The following NRF1 variants were observed in gnomAD, a reference collection of about 807,000 sequenced individuals.
NRF1 encodes alpha palindromic-binding protein.
In NRF1, 5 loss-of-function variants were observed where a neutral mutation model predicts 58.5. The observed-to-expected ratio is 0.09, with a 90% CI of 0.04 to 0.18. NRF1 has a LOEUF of 0.18. NRF1 is among the 10% of genes least tolerant of loss of function. The probability of loss-of-function intolerance (pLI) is 1.00; values close to 1 mark genes in which losing one functional copy is unlikely to be tolerated. For missense variants in NRF1, 288 were observed against 657.7 expected (o/e 0.44, Z 6.15); for synonymous variants, 224 against 246.7 (o/e 0.91, Z 0.86).
intron 1 of NRF1, among the ~76,000 whole-genome samples, chr7:129,642,025 C>T (rs986617308): frequency 1.3e-5 from 2 of 151,748 alleles, no homozygotes; most frequent in Non-Finnish European, 2.9e-5. Flanking sequence ...GTTGCCTAGG[C>T]TGGAGTGCAG....
chr7:129,663,394 C>T (rs1161694753), intron 2 of NRF1, among the ~76,000 whole-genome samples: 8 of 147,770 alleles, frequency 5.4e-5, no homozygotes, highest in African/African-American at 1.8e-4. Flanking sequence ...CGGACAGAGG[C>T]GCTCCTCACC....
chr7:129,699,122 C>T (rs368650156), intron 5 of NRF1, among the ~76,000 whole-genome samples: 4 of 152,138 alleles, frequency 2.6e-5, no homozygotes, highest in South Asian at 2.1e-4. Context: ...TTAATATTCC[C>T]GTGGCATGAT....
At chr7:129,629,561 C>T (rs1461315408) in intron 1 of NRF1, among the ~76,000 whole-genome samples, 3 of 150,666 alleles carry the variant, frequency 2.0e-5, no homozygotes, top group Non-Finnish European at 4.4e-5. Context: ...AGGTGTGAGC[C>T]ACTGCACCCG....
At chr7:129,625,974 A>G (rs894638857) in intron 1 of NRF1, among the ~76,000 whole-genome samples, 11 of 150,822 alleles carry the variant, frequency 7.3e-5, no homozygotes, top group East Asian at 1.9e-4. Context: ...GAGCCACCAC[A>G]CCCAGCCCCA....
chr7:129,721,029 T>C (rs1803310239), intron 9 of NRF1, among the ~76,000 whole-genome samples: 1 of 151,754 alleles, frequency 6.6e-6, no homozygotes, highest in Admixed American at 6.6e-5. Context: ...CATATATATG[T>C]ATATAAAAAA....
Position 129,611,783 on chromosome 7 carries a change from A to T in NRF1, c.-48A>T, listed in dbSNP as rs1327180070. On this transcript the variant is annotated 5_prime_UTR_variant, in exon 1 of 11. Coordinates refer to ENST00000393232, the MANE Select transcript of NRF1 (RefSeq NM_005011.5). Reference sequence around the variant, plus strand: ...GGCTGCGAGGAGCCGGCGCGGTCGCAGTCTCCACGGCGCAGGCCCACGGTA... The same window carrying T: ...GGCTGCGAGGAGCCGGCGCGGTCGCTGTCTCCACGGCGCAGGCCCACGGTA... 5.7e-5 allele frequency: 15 copies of T among 265,438 alleles called. No homozygotes were observed. The highest frequency in any genetic ancestry group is 3.4e-4 in the East Asian group (5 of 14,924). The allele number at this position is 265,438 out of a possible 1,614,324, so 16.4% of individuals were successfully genotyped here. A position where few individuals can be genotyped will look rare whatever the true frequency, so the allele number is the denominator to read the frequency against.
chr7:129,660,275 C>T (rs1374838372), intron 2 of NRF1, among the ~76,000 whole-genome samples: 3 of 150,464 alleles, frequency 2.0e-5, no homozygotes, highest in African/African-American at 7.5e-5. Flanking sequence ...TAGAGCCAAA[C>T]CATATTATTC....
intron 2 of NRF1, among the ~76,000 whole-genome samples, chr7:129,658,384 G>A (rs1002232453): frequency 1.2e-4 from 18 of 152,058 alleles, no homozygotes; most frequent in Non-Finnish European, 2.2e-4. Flanking sequence ...TTGAGCCCAG[G>A]AGTTTGAGAC....
At chr7:129,621,558 A>G (rs150163786) in intron 1 of NRF1, among the ~76,000 whole-genome samples, 90 of 152,294 alleles carry the variant, frequency 5.9e-4, no homozygotes, top group African/African-American at 2.1e-3. Flanking sequence ...ATGTAAAAAT[A>G]GCCCACAAAT....
At chr7:129,690,673 G>T (rs1309601830) in intron 5 of NRF1, 127 bp downstream of exon 5, 4 of 977,096 alleles carry the variant, frequency 4.1e-6, no homozygotes, top group Admixed American at 4.9e-5. Context: ...CTGGAGTCTT[G>T]TAGTGAAACA....
chr7:129,677,433 C>G (rs779572120), intron 3 of NRF1, among the ~76,000 whole-genome samples, 199 bp from the exon 4 acceptor site: 2 of 152,262 alleles, frequency 1.3e-5, no homozygotes, highest in Non-Finnish European at 2.9e-5. Flanking sequence ...TTCAGTTGAG[C>G]CTTCTATCAG....
intron 5 of NRF1, among the ~76,000 whole-genome samples, chr7:129,703,025 G>A (rs1414988728): frequency 1.3e-5 from 2 of 152,162 alleles, no homozygotes; most frequent in Non-Finnish European, 2.9e-5. Context: ...TTCTAGCATA[G>A]CAAGAATTTT....
chr7:129,635,230 G>C (rs190891295), intron 1 of NRF1, among the ~76,000 whole-genome samples: 1 of 152,160 alleles, frequency 6.6e-6, no homozygotes, highest in African/African-American at 2.4e-5. Flanking sequence ...GAAACAATAC[G>C]TTAATAAAAC....
chr7:129,707,803 G>A (rs934688083), intron 5 of NRF1, among the ~76,000 whole-genome samples: 51 of 152,052 alleles, frequency 3.4e-4, no homozygotes, highest in African/African-American at 1.1e-3. Context: ...TAACAGCATG[G>A]CTACCGTCAA....
rs185277526 is a variant in NRF1, at chr7:129,749,880, G to C, written c.1349-5138G>C. ...CTTTTGAGTTCAAATAAAAAGACGGGTTGTATTTACTAAACTGAGTTAACT... is the reference window on the plus strand; with the variant it reads ...CTTTTGAGTTCAAATAAAAAGACGGCTTGTATTTACTAAACTGAGTTAACT... On this transcript the variant is annotated intron_variant, in intron 10 of 10. Transcript: ENST00000393232. 5.3e-3 allele frequency among the ~76,000 whole-genome samples: 805 copies of C among 152,000 alleles called. 22 individuals carry two copies. Among genetic ancestry groups the C allele is most frequent in the Admixed American group, 0.049 (745 of 15,264 alleles).
chr7:129,703,608 C>T (rs1457827803), intron 5 of NRF1, among the ~76,000 whole-genome samples: 1 of 152,174 alleles, frequency 6.6e-6, no homozygotes, highest in Non-Finnish European at 1.5e-5. Context: ...CAAATTATCT[C>T]TTAAGCATTT....
chr7:129,677,580 G>C, intron 3 of NRF1, 52 bp from the exon 4 acceptor site: 1 of 1,581,782 alleles, frequency 6.3e-7, no homozygotes, highest in South Asian at 1.1e-5. Context: ...CTATGTCACT[G>C]TAATTTCCGT....
chr7:129,613,942 C>G (rs904561527), intron 1 of NRF1, among the ~76,000 whole-genome samples: 4 of 152,160 alleles, frequency 2.6e-5, no homozygotes, highest in African/African-American at 9.6e-5. Context: ...AACAAAAACT[C>G]TACTTAATCT....
At chr7:129,664,109 A>G (rs1801866003) in intron 2 of NRF1, among the ~76,000 whole-genome samples, 1 of 128,692 alleles carries the variant, frequency 7.8e-6, no homozygotes, top group African/African-American at 2.9e-5. Flanking sequence ...TCCCCAAGAG[A>G]GGGAGACAGT....
Sources: gnomAD v4.1 joint callset for allele counts (sites outside exome capture counted in the v4.1 genomes callset) on GRCh38, gnomAD v4.1.1 for gene constraint, MANE v1.5 for transcripts, NCBI Gene and HGNC (gene_info 2026-07-23, HGNC 2026-07-21) for gene names.